The following AGPAT5 variants were observed in gnomAD, a reference collection of about 807,000 sequenced individuals.
The protein encoded by AGPAT5 is 1-acylglycerol-3-phosphate O-acyltransferase 5.
Under a neutral mutation model 45.6 loss-of-function variants are expected in AGPAT5, and 46 were observed. That is an observed-to-expected ratio of 1.01 (90% confidence interval 0.80 to 1.29). The LOEUF is 1.29. AGPAT5 is among the 50% of genes most tolerant of loss of function. The pLI is 0.00. For synonymous variants in AGPAT5, 272 were observed against 167.0 expected, an observed-to-expected ratio of 1.63 and a Z score of -4.85; for missense variants, 673 against 450.7, an observed-to-expected ratio of 1.49 and a Z score of -4.47.
intron 1 of AGPAT5, among the ~76,000 whole-genome samples, chr8:6,715,154 A>C (rs1347992114): frequency 6.6e-6 from 1 of 152,224 alleles, no homozygotes; most frequent in African/African-American, 2.4e-5. Context: ...TGGAGGTCAC[A>C]TTCTAGTGTG....
rs1298152360 is a variant in AGPAT5, at chr8:6,708,723, G to C, written c.55G>C (p.Val19Leu). ...TYSMRYLLPS[V>L]VLLGTAPTYV... is the part of the protein sequence containing the mutation. ...CTCCATGCGCTACCTGCTGCCCAGC[G>C]TCGTGCTCCTGGGCACGGCGCCCAC... Residue 19 changes from valine (V) to leucine (L), a missense_variant, in exon 1 of 8, where the codon GTC becomes CTC. Val to Leu is a conservative substitution (Grantham distance 32, BLOSUM62 1). Coordinates refer to ENST00000285518, the MANE Select transcript of AGPAT5 (RefSeq NM_018361.5). The C allele has an allele frequency of 1.2e-6, 2 of 1,606,912 alleles. No individual in the cohort carries two copies. Among genetic ancestry groups the C allele is most frequent in the African/African-American group, 2.7e-5 (2 of 75,042 alleles).
chr8:6,731,265 G>T (rs184821524), intron 3 of AGPAT5, among the ~76,000 whole-genome samples: 3 of 152,126 alleles, frequency 2.0e-5, no homozygotes, highest in East Asian at 3.9e-4. Flanking sequence ...ATTTTGTTTG[G>T]CATTTTTAGT....
chr8:6,739,629 T>C (rs889834924), intron 4 of AGPAT5, among the ~76,000 whole-genome samples: 2 of 152,152 alleles, frequency 1.3e-5, no homozygotes. Context: ...GCTAAACTTA[T>C]TTATCATCTA....
intron 2 of AGPAT5, among the ~76,000 whole-genome samples, chr8:6,729,048 A>G (rs911699460): frequency 6.6e-6 from 1 of 152,242 alleles, no homozygotes; most frequent in African/African-American, 2.4e-5. Flanking sequence ...AGCCATAACA[A>G]AAGTTTCATA....
At chr8:6,743,370 A>C (rs761490235) in intron 5 of AGPAT5, among the ~76,000 whole-genome samples, 1 of 152,204 alleles carries the variant, frequency 6.6e-6, no homozygotes, top group Non-Finnish European at 1.5e-5. Context: ...ACAATTGTCC[A>C]TTAGAGAGCT....
At chr8:6,734,215 C>T (rs1013398250) in intron 4 of AGPAT5, among the ~76,000 whole-genome samples, 3 of 151,514 alleles carry the variant, frequency 2.0e-5, no homozygotes, top group Admixed American at 6.6e-5. Context: ...GTTCATTTCT[C>T]GCTGTTCTTT....
chr8:6,727,676 C>G (rs939193310), intron 2 of AGPAT5, among the ~76,000 whole-genome samples: 2 of 152,194 alleles, frequency 1.3e-5, no homozygotes, highest in Non-Finnish European at 2.9e-5. Context: ...CCACTGTGCC[C>G]TGCCTGCTAT....
chr8:6,709,095 T>A, intron 1 of AGPAT5: 1 of 648,540 alleles, frequency 1.5e-6, no homozygotes, highest in East Asian at 2.8e-5. Flanking sequence ...TGCGTCGTCC[T>A]GAGGCTACGA....
In AGPAT5 at chr8:6,755,955, A is replaced by G. The variant is rs191226889; in HGVS notation, c.869+781A>G. ...GAAGAAATTTAAAAGTAAGATCTAC[A>G]TGTATTGACATGAAAATATGTTCTC... On this transcript the variant is annotated intron_variant, in intron 7 of 7. Transcript: ENST00000285518. Among the ~76,000 whole-genome samples the G allele has an allele frequency of 3.6e-3, 546 of 152,352 alleles. 1 individual carries two copies. Among genetic ancestry groups the G allele is most frequent in the Non-Finnish European group, 6.0e-3 (405 of 68,020 alleles).
chr8:6,711,878 C>G (rs1800166968), intron 1 of AGPAT5, among the ~76,000 whole-genome samples: 1 of 152,194 alleles, frequency 6.6e-6, no homozygotes, highest in African/African-American at 2.4e-5. Flanking sequence ...TAGAAGGATG[C>G]TTGTCATTGG....
chr8:6,731,763 C>G (rs1587026801), intron 3 of AGPAT5, among the ~76,000 whole-genome samples: 1 of 151,884 alleles, frequency 6.6e-6, no homozygotes, highest in South Asian at 2.1e-4. Flanking sequence ...AAAAAGCAAA[C>G]TGTATATATA....
intron 2 of AGPAT5, among the ~76,000 whole-genome samples, chr8:6,726,226 T>G (rs1236570879): frequency 6.6e-6 from 1 of 152,256 alleles, no homozygotes; most frequent in Non-Finnish European, 1.5e-5. Context: ...ATTCTGCTTT[T>G]CCTGTCCTGC....
At position 6,712,076 on chromosome 8, in the gene AGPAT5, T is replaced by C. The variant is rs528793955; in HGVS notation, c.219+3189T>C. Among the ~76,000 whole-genome samples, 4 of 152,324 alleles carry C rather than the reference T, an allele frequency of 2.6e-5. No homozygotes were observed. The South Asian group carries it at 8.3e-4, about 32-fold the overall frequency. On this transcript the variant is annotated intron_variant, in intron 1 of 7. Coordinates refer to ENST00000285518, the MANE Select transcript of AGPAT5 (RefSeq NM_018361.5). ...GAACTCCATAGTTCTGCCTATTCAG[T>C]ATTTTGTAGTTATTTCGTAGTTTAA...
In AGPAT5 at chr8:6,741,808, G is replaced by T. The variant is rs1801254264; in HGVS notation, c.586+57G>T. 3.6e-6 allele frequency: 5 copies of T among 1,369,916 alleles called. No homozygotes were observed. In the Admixed American group the frequency reaches 9.1e-5, roughly 25 times the overall value. The allele number at this position is 1,369,916 out of a possible 1,614,324, so 84.9% of individuals were successfully genotyped here. ...ATTTTCAAAGATAATAACATTTTTA[G>T]TTTTTCTTCCTGGAAAAGATACTTT... On this transcript the variant is annotated intron_variant, in intron 5 of 7. Coordinates refer to ENST00000285518, the MANE Select transcript of AGPAT5 (RefSeq NM_018361.5).
rs79725374 is a variant in AGPAT5, at chr8:6,735,237, C to T, written c.495+2587C>T. The stretch of plus-strand genomic sequence containing the variant: ...GCAGGGTTTTGTTGCCCCTGTTCAT[C>T]AGTTTCAGGCTGCTGTTCCATAGGA... On this transcript the variant is annotated intron_variant, in intron 4 of 7. Coordinates refer to ENST00000285518, the MANE Select transcript of AGPAT5 (RefSeq NM_018361.5). 3.3e-4 allele frequency among the ~76,000 whole-genome samples: 51 copies of T among 152,270 alleles called. No individual in the cohort carries two copies. In the East Asian group the frequency reaches 9.9e-3, roughly 29 times the overall value.
Position 6,730,727 on chromosome 8 carries a change from T to C in AGPAT5, c.306T>C (p.Ala102=), listed in dbSNP as rs1367254732. Residue 102 remains alanine, a synonymous_variant, in exon 3 of 8, where the codon GCT becomes GCC. Transcript: ENST00000285518. ...TCTCTGCAGTTGACTGGATTGTTGC[T>C]GACATCTTGGCCATCAGGCAGAATG... The part of the protein sequence containing the change: ...NHQSTVDWIV[A]DILAIRQNAL... 6.8e-6 allele frequency: 11 copies of C among 1,613,274 alleles called. No individual in the cohort carries two copies. The highest frequency in any genetic ancestry group is 9.3e-6 in the Non-Finnish European group (11 of 1,179,402).
chr8:6,736,127 T>C (rs1248546323), intron 4 of AGPAT5, among the ~76,000 whole-genome samples: 1 of 152,146 alleles, frequency 6.6e-6, no homozygotes, highest in Non-Finnish European at 1.5e-5. Flanking sequence ...GCTGGGATTA[T>C]AGGTGTGAGC....
intron 5 of AGPAT5, among the ~76,000 whole-genome samples, chr8:6,742,293 A>G (rs1267812772): frequency 1.3e-5 from 2 of 152,248 alleles, no homozygotes; most frequent in Admixed American, 1.3e-4. Flanking sequence ...GTTGGTCCAC[A>G]GTGCTTGGAA....
rs116540954 is a variant in AGPAT5, at chr8:6,716,583, C to T, written c.219+7696C>T. On this transcript the variant is annotated intron_variant, in intron 1 of 7. Coordinates refer to ENST00000285518, the MANE Select transcript of AGPAT5 (RefSeq NM_018361.5). ...GGTGCGGAGGCTCACGCTGGTAATC[C>T]AAGCACTTTGGGAGGCTGAGGCAAT... Among the ~76,000 whole-genome samples, 739 of 152,198 alleles carry T rather than the reference C, an allele frequency of 4.9e-3. 5 individuals carry two copies. The highest frequency in any genetic ancestry group is 0.016 in the African/African-American group (677 of 41,516).
Sources: allele counts gnomAD v4.1 joint callset (sites outside exome capture counted in the v4.1 genomes callset), GRCh38; gene constraint gnomAD v4.1.1; transcripts MANE v1.5; gene names NCBI Gene and HGNC (gene_info 2026-07-23, HGNC 2026-07-21).